Variants in NRK observed in about 807,000 individuals in gnomAD.
NRK encodes the protein Nik related kinase.
In NRK, 67 loss-of-function variants were observed where a neutral mutation model predicts 125.2. The observed-to-expected ratio is 0.54, with a 90% CI of 0.44 to 0.66. NRK has a LOEUF of 0.66. NRK is among the 30% of genes least tolerant of loss of function. The probability of loss-of-function intolerance (pLI) is 0.00; values close to 1 mark genes in which losing one functional copy is unlikely to be tolerated. For synonymous variants in NRK, 458 were observed against 429.0 expected, an observed-to-expected ratio of 1.07 and a Z score of -0.84; for missense variants, 1,224 against 1,192.9, an observed-to-expected ratio of 1.03 and a Z score of -0.38.
intron 2 of NRK, among the ~76,000 whole-genome samples, chrX:105,857,617 A>G (rs1292656380): frequency 9.1e-6 from 1 of 110,316 alleles, no homozygotes; most frequent in Non-Finnish European, 1.9e-5. Context: ...TTTTTTTTGC[A>G]GTCAGATCTT....
intron 2 of NRK, among the ~76,000 whole-genome samples, chrX:105,853,365 C>A (rs2039496026): frequency 9.0e-6 from 1 of 111,689 alleles, no homozygotes; most frequent in African/African-American, 3.3e-5. Context: ...TATAGCCCAT[C>A]CTTTGAGGTG....
At chrX:105,828,801 T>G (rs758843469) in intron 1 of NRK, among the ~76,000 whole-genome samples, 1 of 112,059 alleles carries the variant, frequency 8.9e-6, no homozygotes, top group African/African-American at 3.2e-5. Context: ...AGTGATATGC[T>G]TAATAATAAG....
At chrX:105,943,165 T>C (rs7066568) in intron 23 of NRK, among the ~76,000 whole-genome samples, 12,797 of 111,561 alleles carry the variant, frequency 0.11, 1,811 homozygotes, top group African/African-American at 0.4. Context: ...TTTATTGTTT[T>C]AGCTATTACA....
chrX:105,829,215 G>A (rs1326463406), intron 1 of NRK, among the ~76,000 whole-genome samples: 1 of 111,998 alleles, frequency 8.9e-6, no homozygotes, highest in African/African-American at 3.2e-5. Flanking sequence ...TCTCTGTCCA[G>A]TTGAATACTT....
intron 19 of NRK, among the ~76,000 whole-genome samples, chrX:105,933,518 A>C (rs1470571896): frequency 8.9e-6 from 1 of 112,065 alleles, no homozygotes; most frequent in Non-Finnish European, 1.9e-5. Context: ...AGGACAGGGC[A>C]TACCACATAA....
chrX:105,838,722 T>C lies in NRK; in HGVS notation c.123+7603T>C, dbSNP rs191642305. On this transcript the variant is annotated intron_variant, in intron 2 of 28. Coordinates refer to ENST00000243300, the MANE Select transcript of NRK (RefSeq NM_198465.4). ...GACCACCCCAAGTTTCTTATTGTTT[T>C]AACACCTAAAAACAGACCATGGCCA... Among the ~76,000 whole-genome samples, 9 of 110,133 alleles carry C rather than the reference T, an allele frequency of 8.2e-5. No individual in the cohort carries two copies. In the East Asian group the frequency reaches 2.6e-3, roughly 32 times the overall value.
At chrX:105,928,089 G>T (rs1247144265) in intron 19 of NRK, among the ~76,000 whole-genome samples, 1 of 111,043 alleles carries the variant, frequency 9.0e-6, no homozygotes, top group Admixed American at 9.6e-5. Context: ...TTAAATCTTT[G>T]GTAGAATGCA....
At chrX:105,933,707 A>T (rs1440371616) in intron 19 of NRK, among the ~76,000 whole-genome samples, 1 of 111,676 alleles carries the variant, frequency 9.0e-6, no homozygotes, top group Non-Finnish European at 1.9e-5. Context: ...TTTTGTGAAG[A>T]TACCTTAAAG....
At chrX:105,902,670 T>C (rs1241614194) in intron 9 of NRK, among the ~76,000 whole-genome samples, 1 of 111,767 alleles carries the variant, frequency 8.9e-6, no homozygotes, top group Non-Finnish European at 1.9e-5. Flanking sequence ...GGCGAGCAAG[T>C]GAGCAAGCAT....
intron 5 of NRK, among the ~76,000 whole-genome samples, chrX:105,893,214 A>C: frequency 8.9e-6 from 1 of 112,151 alleles, no homozygotes; most frequent in Non-Finnish European, 1.9e-5. Flanking sequence ...GGTTTTCCTT[A>C]GTAGCAATCC....
chrX:105,855,260 G>T (rs1460681647), intron 2 of NRK, among the ~76,000 whole-genome samples: 2 of 111,900 alleles, frequency 1.8e-5, no homozygotes, highest in Non-Finnish European at 3.8e-5. Flanking sequence ...TGGTAAGATG[G>T]AAGTACATAA....
intron 3 of NRK, among the ~76,000 whole-genome samples, chrX:105,881,504 T>C (rs2039883667): frequency 8.9e-6 from 1 of 112,146 alleles, no homozygotes; most frequent in South Asian, 3.6e-4. Context: ...TTACAGCAGT[T>C]AAATCTACTA....
rs34351950 is a variant in NRK, at chrX:105,881,153, TA to T, written c.181-545del. On this transcript the variant is annotated intron_variant, in intron 3 of 28. Transcript: ENST00000243300. Reference sequence around the variant, plus strand: ...ATAAAAAAAGAAATGATAGCTGAATTAAAAAAAAAAGTTGTGTGCTTTTAGT... The same window carrying T: ...ATAAAAAAAGAAATGATAGCTGAATTAAAAAAAAAGTTGTGTGCTTTTAGT... 8.3e-3 allele frequency among the ~76,000 whole-genome samples: 889 copies of T among 107,471 alleles called. 9 individuals carry two copies. The highest frequency in any genetic ancestry group is 0.062 in the South Asian group (159 of 2,565). The allele number at this position is 107,471 out of a possible 115,157, so 93.3% of individuals were successfully genotyped here.
intron 1 of NRK, among the ~76,000 whole-genome samples, chrX:105,826,717 G>A (rs1323648669): frequency 1.8e-5 from 2 of 109,897 alleles, no homozygotes; most frequent in Admixed American, 1.0e-4. Flanking sequence ...CCCAGACCAG[G>A]CCTGCTATCC....
intron 2 of NRK, among the ~76,000 whole-genome samples, chrX:105,843,987 G>GTC (rs1330746216): frequency 2.6e-4 from 22 of 86,041 alleles, no homozygotes; most frequent in African/African-American, 1.2e-3. Context: ...CTGTGTGTGT[G>GTC]TGTGTGTGTG....
intron 23 of NRK, among the ~76,000 whole-genome samples, chrX:105,941,136 T>A (rs1174588435): frequency 9.0e-6 from 1 of 111,697 alleles, no homozygotes; most frequent in Non-Finnish European, 1.9e-5. Context: ...AACTACCTCC[T>A]CCTAACTTGT....
intron 2 of NRK, among the ~76,000 whole-genome samples, chrX:105,870,173 G>GA (rs1369175734): frequency 2.7e-5 from 3 of 111,433 alleles, no homozygotes; most frequent in African/African-American, 9.8e-5. Context: ...CATTCGGAGG[G>GA]AAAAAAAGAG....
At chrX:105,877,742 G>A (rs1265997079) in intron 2 of NRK, among the ~76,000 whole-genome samples, 1 of 110,688 alleles carries the variant, frequency 9.0e-6, no homozygotes, top group African/African-American at 3.3e-5. Flanking sequence ...TGTAGGTTCA[G>A]TGAGCATATT....
intron 26 of NRK, 90 bp downstream of exon 26, chrX:105,946,554 T>C (rs1163562497): frequency 5.4e-5 from 36 of 665,721 alleles, no homozygotes; most frequent in Non-Finnish European, 8.3e-5. Flanking sequence ...TTTAAAAATA[T>C]GATTAGTAAT....
Sources: allele counts gnomAD v4.1 joint callset (sites outside exome capture counted in the v4.1 genomes callset), GRCh38; gene constraint gnomAD v4.1.1; transcripts MANE v1.5; gene names NCBI Gene and HGNC (gene_info 2026-07-23, HGNC 2026-07-21).